The following PIWIL2 variants were observed in gnomAD, a reference collection of about 807,000 sequenced individuals.
PIWIL2 encodes the protein piwi-like protein 2.
In PIWIL2, 81 loss-of-function variants were observed where a neutral mutation model predicts 116.5. The observed-to-expected ratio is 0.70, with a 90% confidence interval of 0.58 to 0.84. PIWIL2 has a LOEUF of 0.84. Ranked by LOEUF, PIWIL2 falls within the 40% of genes least tolerant of loss-of-function variation. The pLI, the probability that PIWIL2 is intolerant of heterozygous loss-of-function variation, is 0.00. For missense variants in PIWIL2, 1,272 were observed against 1,212.3 expected (o/e 1.05, Z -0.73); for synonymous variants, 489 against 429.5 (o/e 1.14, Z -1.71).
intron 21 of PIWIL2, 114 bp downstream of exon 21, chr8:22,353,326 A>T: frequency 1.1e-6 from 1 of 911,832 alleles, no homozygotes; most frequent in East Asian, 2.4e-5. Flanking sequence ...AATCTCAGAG[A>T]GGCTACCGTT....
chr8:22,328,390 T>C (rs1287554936), intron 20 of PIWIL2, among the ~76,000 whole-genome samples: 1 of 152,202 alleles, frequency 6.6e-6, no homozygotes, highest in Non-Finnish European at 1.5e-5. Context: ...ATTTTTCTTT[T>C]TCAGTATTGT....
In PIWIL2 at chr8:22,318,355, T is replaced by A. The variant is rs1479617094; in HGVS notation, c.2403+80T>A. On this transcript the variant is annotated intron_variant, in intron 20 of 22. Transcript: ENST00000356766. ...TTTTTGAGACAGAGTCTCACTCTTG[T>A]CGCCCAGGTTGGAGTGCAGTGGTGC... 5.1e-6 allele frequency: 4 copies of A among 782,190 alleles called. No homozygotes were observed. The East Asian group carries it at 1.0e-4, about 20-fold the overall frequency. 48.5% of individuals were successfully genotyped at this position (782,190 alleles called of 1,614,324 possible). A position where few individuals can be genotyped will look rare whatever the true frequency, so the allele number is the denominator to read the frequency against.
chr8:22,334,307 T>C (rs1354070864), intron 20 of PIWIL2, among the ~76,000 whole-genome samples: 2 of 151,582 alleles, frequency 1.3e-5, no homozygotes, highest in East Asian at 3.9e-4. Flanking sequence ...GGTGATTATA[T>C]ACAAAATTTG....
At position 22,304,121 on chromosome 8, in the gene PIWIL2, C is replaced by G; in HGVS notation, c.1282C>G (p.Arg428Gly). Residue 428 changes from arginine (R) to glycine (G), a missense_variant, in exon 11 of 23, where the codon CGT becomes GGT. Transcript: ENST00000356766. ...CACCCGATATAACAATCGTACCTATCGTATTGATGATGTGGATTGGAATAA... is the reference window on the plus strand; with the variant it reads ...CACCCGATATAACAATCGTACCTATGGTATTGATGATGTGGATTGGAATAA... ...VITRYNNRTY[R>G]IDDVDWNKTP... is the part of the protein sequence containing the mutation. 2.5e-6 allele frequency: 4 copies of G among 1,611,164 alleles called. No homozygotes were observed. The highest frequency in any genetic ancestry group is 3.4e-6 in the Non-Finnish European group (4 of 1,177,380).
chr8:22,295,164 T>C (rs1220171492), intron 10 of PIWIL2, among the ~76,000 whole-genome samples: 1 of 152,072 alleles, frequency 6.6e-6, no homozygotes, highest in Non-Finnish European at 1.5e-5. Flanking sequence ...TTTCCTTCCT[T>C]CTTTCCTCCT....
At chr8:22,335,052 T>G (rs967657611) in intron 20 of PIWIL2, among the ~76,000 whole-genome samples, 154 of 103,652 alleles carry the variant, frequency 1.5e-3, no homozygotes, top group African/African-American at 4.5e-3. Context: ...GAGACTCTTG[T>G]CTCAAAAAAA....
intron 2 of PIWIL2, among the ~76,000 whole-genome samples, chr8:22,280,755 A>T (rs967215178): frequency 1.3e-5 from 2 of 152,192 alleles, no homozygotes; most frequent in African/African-American, 4.8e-5. Context: ...ATATGCAGAA[A>T]ATAGAAAAAT....
intron 20 of PIWIL2, among the ~76,000 whole-genome samples, chr8:22,325,481 C>CTTTTTTTTTTTT (rs749493740): frequency 1.1e-5 from 1 of 95,040 alleles, no homozygotes; most frequent in Non-Finnish European, 2.0e-5. Flanking sequence ...TTGATTTAGT[C>CTTTTTTTTTTTT]TTTTTTTTTT....
intron 14 of PIWIL2, 43 bp from the exon 15 acceptor site, chr8:22,309,918 G>A (rs201786896): frequency 1.0e-4 from 118 of 1,178,952 alleles, no homozygotes; most frequent in Non-Finnish European, 1.3e-4. Context: ...TCTAAATAGC[G>A]TTTGAAAAGG....
intron 15 of PIWIL2, among the ~76,000 whole-genome samples, chr8:22,310,840 G>C (rs1831311558): frequency 6.6e-6 from 1 of 152,114 alleles, no homozygotes; most frequent in Non-Finnish European, 1.5e-5. Flanking sequence ...ATTCTTCTGT[G>C]TCTGGCTTCT....
In PIWIL2 at chr8:22,355,719, G is replaced by GT. The variant is rs1238675478; in HGVS notation, c.*215dup. ...AGCTGAAAATGGCCTTGTTGCCTGT[G>GT]TAGAGCAAGTTACGGTGGTACTGCC... is the stretch of plus-strand genomic sequence containing the variant. On this transcript the variant is annotated 3_prime_UTR_variant, in exon 23 of 23. Coordinates refer to ENST00000356766, the MANE Select transcript of PIWIL2 (RefSeq NM_018068.5). The GT allele has an allele frequency of 2.7e-5, 15 of 558,436 alleles. No homozygotes were observed. The East Asian group carries it at 4.6e-4, about 17-fold the overall frequency. The allele number at this position is 558,436 out of a possible 1,614,324, so 34.6% of individuals were successfully genotyped here.
intron 6 of PIWIL2, among the ~76,000 whole-genome samples, chr8:22,285,464 T>G (rs965598974): frequency 1.3e-5 from 2 of 152,206 alleles, no homozygotes; most frequent in Non-Finnish European, 2.9e-5. Flanking sequence ...ATCCATTCAG[T>G]GGACACTTAG....
At chr8:22,303,178 G>A (rs1292783498) in intron 10 of PIWIL2, among the ~76,000 whole-genome samples, 1 of 152,186 alleles carries the variant, frequency 6.6e-6, no homozygotes, top group African/African-American at 2.4e-5. Flanking sequence ...ACATGCAACA[G>A]TTTGGTATCT....
rs567982608 is a variant in PIWIL2, at chr8:22,336,821, T to G, written c.2404-16138T>G. Among the ~76,000 whole-genome samples the G allele has an allele frequency of 2.0e-5, 3 of 152,224 alleles. No individual in the cohort carries two copies. In the South Asian group the frequency reaches 6.2e-4, roughly 32 times the overall value. ...ACAATAGAATCAATGAAGCCAAAAG[T>G]TGGTTCTTTGAGGAGATAAAGTTGA... On this transcript the variant is annotated intron_variant, in intron 20 of 22. Transcript: ENST00000356766.
chr8:22,300,316 A>G (rs1831016254), intron 10 of PIWIL2, among the ~76,000 whole-genome samples: 2 of 152,010 alleles, frequency 1.3e-5, no homozygotes, highest in African/African-American at 4.8e-5. Context: ...CGTTATTTTG[A>G]AATCATTCAC....
intron 10 of PIWIL2, among the ~76,000 whole-genome samples, chr8:22,294,353 A>G (rs897457557): frequency 6.9e-6 from 1 of 144,350 alleles, no homozygotes; most frequent in African/African-American, 2.6e-5. Flanking sequence ...AAAAAAAAAA[A>G]AAAAAGGTCC....
At chr8:22,345,032 G>A (rs1164774148) in intron 20 of PIWIL2, among the ~76,000 whole-genome samples, 1 of 152,038 alleles carries the variant, frequency 6.6e-6, no homozygotes, top group African/African-American at 2.4e-5. Flanking sequence ...AGTTAAGCAT[G>A]CCGGGCTTAG....
chr8:22,328,675 T>G lies in PIWIL2; in HGVS notation c.2403+10400T>G, dbSNP rs557136967. ...TGGTTGAAGTTTATTCCTAGCTATTTTATTCTTTTGGATGCTATTGTAAAT... is the reference window on the plus strand; with the variant it reads ...TGGTTGAAGTTTATTCCTAGCTATTGTATTCTTTTGGATGCTATTGTAAAT... On this transcript the variant is annotated intron_variant, in intron 20 of 22. Transcript: ENST00000356766. Among the ~76,000 whole-genome samples the G allele has an allele frequency of 3.4e-4, 51 of 152,154 alleles. 1 individual carries two copies. The highest frequency in any genetic ancestry group is 4.7e-4 in the Non-Finnish European group (32 of 68,018).
intron 18 of PIWIL2, 41 bp from the exon 19 acceptor site, chr8:22,316,204 C>T (rs771967519): frequency 5.7e-6 from 7 of 1,236,742 alleles, no homozygotes; most frequent in Non-Finnish European, 7.2e-6. Flanking sequence ...ATGCATTGCT[C>T]AGGTCTGGGG....
Sources: gnomAD v4.1 joint callset for allele counts (sites outside exome capture counted in the v4.1 genomes callset) on GRCh38, gnomAD v4.1.1 for gene constraint, MANE v1.5 for transcripts, NCBI Gene and HGNC (gene_info 2026-07-23, HGNC 2026-07-21) for gene names.